The following NBPF12 variants were observed in gnomAD, a reference collection of about 807,000 sequenced individuals.
NBPF12 encodes NBPF member 12, also known as NBPF family member NBPF12.
Under a neutral mutation model 146.4 loss-of-function variants are expected in NBPF12, and 115 were observed. The observed-to-expected ratio is 0.79, with a 90% CI of 0.68 to 0.92. NBPF12 has a LOEUF of 0.92. Among genes scored for constraint, NBPF12 ranks in the 40% least tolerant of loss-of-function variants. The pLI, the probability that NBPF12 is intolerant of heterozygous loss-of-function variation, is 0.00. For synonymous variants in NBPF12, 385 were observed against 508.9 expected (o/e 0.76, Z 3.28); for missense variants, 1,205 against 1,326.8 (o/e 0.91, Z 1.43).
upstream of NBPF12, among the ~76,000 whole-genome samples, chr1:146,938,537 C>T (rs878879237): frequency 3.3e-5 from 5 of 152,228 alleles, no homozygotes; most frequent in African/African-American, 4.8e-5. Flanking sequence ...CGCTGCGCTC[C>T]GTCCTCCATT....
intron 12 of NBPF12, among the ~76,000 whole-genome samples, 183 bp downstream of exon 15, chr1:146,970,902 G>T (rs1294507527): frequency 1.3e-5 from 2 of 151,390 alleles, no homozygotes; most frequent in Non-Finnish European, 2.9e-5. Flanking sequence ...TGTGCCAAGT[G>T]TCATGTCTGT....
chr1:146,958,019 A>AAT (rs1655681752), intron 2 of NBPF12, among the ~76,000 whole-genome samples: 1 of 119,126 alleles, frequency 8.4e-6, no homozygotes, highest in African/African-American at 2.9e-5. Flanking sequence ...ATATATAAAT[A>AAT]ATACATATAC....
intron 1 of NBPF12, among the ~76,000 whole-genome samples, chr1:146,941,152 C>T (rs1433867274): frequency 4.6e-5 from 7 of 151,282 alleles, no homozygotes; most frequent in African/African-American, 1.7e-4. Context: ...GGTACAATCA[C>T]AGCTTAGTGC....
chr1:146,962,620 C>T (rs1398688941), intron 5 of NBPF12, among the ~76,000 whole-genome samples: 14 of 151,380 alleles, frequency 9.2e-5, no homozygotes, highest in Admixed American at 7.9e-4. Context: ...TGACTGACTG[C>T]GTCTTCTCAT....
exon 13 of NBPF12, chr1:146,971,185 A>G: frequency 6.2e-7 from 1 of 1,611,304 alleles, no homozygotes; most frequent in Non-Finnish European, 8.5e-7. Flanking sequence ...CTCATCAGGG[A>G]GATGCAGAAG....
chr1:146,954,844 TAA>T (rs1343199333), intron 2 of NBPF12, among the ~76,000 whole-genome samples: 2 of 147,604 alleles, frequency 1.4e-5, no homozygotes, highest in African/African-American at 5.0e-5. Context: ...CATGTATGTC[TAA>T]TTGATTCTTA....
At chr1:146,977,077 A>C in intron 17 of NBPF12, 76 bp downstream of exon 20, 1 of 631,118 alleles carries the variant, frequency 1.6e-6, no homozygotes, top group Non-Finnish European at 2.8e-6. Flanking sequence ...CCTCTCTGGC[A>C]TGTATGATGG....
chr1:146,989,652 A>C, exon 28 of NBPF12: 1 of 1,611,448 alleles, frequency 6.2e-7, no homozygotes. Flanking sequence ...CGACTCCTTC[A>C]GTTTATCTTG....
rs1376198480 is a variant in NBPF12 at position 146,984,804 on chromosome 1, C to G, written c.2667-9C>G. On this transcript the variant is annotated splice_polypyrimidine_tract_variant and intron_variant, in intron 21 of 33. Coordinates refer to ENST00000617844, the Ensembl canonical transcript of NBPF12. Reference sequence around the variant, plus strand: ...CTGGCTTATTCTTTACTTTTTCCCACTTTTCCAGGCTCAGCAGGGAGCTGC... The same window carrying G: ...CTGGCTTATTCTTTACTTTTTCCCAGTTTTCCAGGCTCAGCAGGGAGCTGC... 11 of 1,441,706 alleles carry G rather than the reference C, an allele frequency of 7.6e-6. No individual in the cohort carries two copies. Among genetic ancestry groups the G allele is most frequent in the African/African-American group, 1.4e-5 (1 of 72,496 alleles). 89.3% of individuals were successfully genotyped at this position (1,441,706 alleles called of 1,614,324 possible). A position where few individuals can be genotyped will look rare whatever the true frequency, so the allele number is the denominator to read the frequency against.
At chr1:146,964,669 T>C (rs1656077948) in intron 7 of NBPF12, among the ~76,000 whole-genome samples, 1 of 151,938 alleles carries the variant, frequency 6.6e-6, no homozygotes, top group African/African-American at 2.4e-5. Flanking sequence ...CTCCTATCTG[T>C]CCAGTGCACT....
chr1:146,940,801 G>C (rs1654764007), intron 1 of NBPF12, among the ~76,000 whole-genome samples: 1 of 151,836 alleles, frequency 6.6e-6, no homozygotes, highest in Non-Finnish European at 1.5e-5. Context: ...AAATTATTTT[G>C]TTATTCTCGT....
At chr1:146,961,474 C>A (rs1479954946) in intron 4 of NBPF12, among the ~76,000 whole-genome samples, 5 of 152,042 alleles carry the variant, frequency 3.3e-5, no homozygotes, top group African/African-American at 9.7e-5. Flanking sequence ...CATTAATTGG[C>A]ACAGTGTAAA....
Position 146,970,734 on chromosome 1 carries a change from T to C in NBPF12, c.1379+15T>C. 1.5e-6 allele frequency: 2 copies of C among 1,339,086 alleles called. No homozygotes were observed. The highest frequency in any genetic ancestry group is 1.1e-6 in the Non-Finnish European group (1 of 931,878). 83.0% of individuals were successfully genotyped at this position (1,339,086 alleles called of 1,614,324 possible). A position where few individuals can be genotyped will look rare whatever the true frequency, so the allele number is the denominator to read the frequency against. ...TCTTCCCCCAGGTGACACTGAATACTCAGGAGCAAGTAATGGGTGTTAACA... is the reference window on the plus strand; with the variant it reads ...TCTTCCCCCAGGTGACACTGAATACCCAGGAGCAAGTAATGGGTGTTAACA... On this transcript the variant is annotated intron_variant, in intron 12 of 33. Transcript: ENST00000617844.
At chr1:146,976,885 C>CT in intron 16 of NBPF12, 44 bp from the exon 20 acceptor site, 1 of 621,246 alleles carries the variant, frequency 1.6e-6, no homozygotes, top group Non-Finnish European at 2.9e-6. Flanking sequence ...TGCTTGCAGA[C>CT]TGTGAAGTGG....
chr1:146,961,738 C>T (rs1398960963), intron 4 of NBPF12, among the ~76,000 whole-genome samples: 1 of 151,716 alleles, frequency 6.6e-6, no homozygotes, highest in East Asian at 1.9e-4. Context: ...CCTTGAAATA[C>T]CCAGTAAAAG....
intron 4 of NBPF12, among the ~76,000 whole-genome samples, chr1:146,961,851 G>A (rs1390363045): frequency 2.6e-5 from 4 of 152,022 alleles, no homozygotes; most frequent in African/African-American, 9.7e-5. Context: ...GCAAGGCTTG[G>A]GAAAGTGGCC....
chr1:146,953,264 TCTA>T (rs1331864217), intron 2 of NBPF12, among the ~76,000 whole-genome samples: 3 of 136,082 alleles, frequency 2.2e-5, no homozygotes, highest in Admixed American at 7.7e-5. Context: ...GGATGGGAAA[TCTA>T]CTAAGAAGTC....
rs1656132015 is a variant in NBPF12, at chr1:146,965,518, T to G, written c.778+414T>G. Among the ~76,000 whole-genome samples the G allele has an allele frequency of 3.3e-5, 5 of 150,296 alleles. No individual in the cohort carries two copies. The South Asian group carries it at 8.4e-4, about 25-fold the overall frequency. On this transcript the variant is annotated intron_variant, in intron 8 of 33. Transcript: ENST00000617844. The stretch of plus-strand genomic sequence containing the variant: ...TAAGTCTTGGCTGGGCACAGTGGGT[T>G]CCACCTGTAATCCCAGCACTTTGGG...
At chr1:146,960,836 T>C (rs1263478285) in intron 4 of NBPF12, among the ~76,000 whole-genome samples, 4,455 of 151,952 alleles carry the variant, frequency 0.029, 208 homozygotes, top group African/African-American at 0.1. Flanking sequence ...GTGCTATCTA[T>C]AAGTGACAGC....
Sources: allele counts gnomAD v4.1 joint callset (sites outside exome capture counted in the v4.1 genomes callset), GRCh38; gene constraint gnomAD v4.1.1; transcripts MANE v1.5; gene names NCBI Gene and HGNC (gene_info 2026-07-23, HGNC 2026-07-21).